The following GLDC variants were observed in gnomAD, a reference collection of about 807,000 sequenced individuals.
The protein encoded by GLDC is glycine decarboxylase, also known as glycine dehydrogenase (decarboxylating), mitochondrial.
Under a neutral mutation model 121.3 loss-of-function variants are expected in GLDC, and 104 were observed. That is an observed-to-expected ratio of 0.86 (90% CI 0.73 to 1.01). The LOEUF is 1.01. Ranked by LOEUF, GLDC falls within the 50% of genes least tolerant of loss-of-function variation. GLDC has a pLI of 0.00. For missense variants in GLDC, 1,429 were observed against 1,306.6 expected (o/e 1.09, Z -1.44); for synonymous variants, 546 against 480.6 (o/e 1.14, Z -1.78).
At chr9:6,642,892 C>G (rs1819656222) in intron 2 of GLDC, among the ~76,000 whole-genome samples, 2 of 147,628 alleles carry the variant, frequency 1.4e-5, no homozygotes, top group Admixed American at 1.4e-4. Context: ...CTGATTTTTT[C>G]TTTTCTTCCT....
At chr9:6,537,527 T>C (rs1309185853) in intron 22 of GLDC, among the ~76,000 whole-genome samples, 1 of 152,182 alleles carries the variant, frequency 6.6e-6, no homozygotes, top group African/African-American at 2.4e-5. Context: ...ACACCTATAA[T>C]CCCAGCACTT....
rs372693840 is a variant in GLDC, at chr9:6,554,740, C to A, written c.2244G>T (p.Ser748=). The A allele has an allele frequency of 1.2e-6, 2 of 1,613,426 alleles. No individual in the cohort carries two copies. The highest frequency in any genetic ancestry group is 2.2e-5 in the East Asian group (1 of 44,872). ...AGAAGGTCTTGTGAAGATTTAGGTG[C>A]GAGACATCAGACCCGAAGTCTCCAG... The part of the protein sequence containing the change: ...CRPGDFGSDV[S]HLNLHKTFCI... Residue 748 remains serine (S), a synonymous_variant, in exon 19 of 25, where the codon TCG becomes TCT. Coordinates refer to ENST00000321612, the MANE Select transcript of GLDC (RefSeq NM_000170.3).
At chr9:6,595,668 C>T (rs1268955780) in intron 8 of GLDC, among the ~76,000 whole-genome samples, 2 of 152,172 alleles carry the variant, frequency 1.3e-5, no homozygotes, top group Admixed American at 6.6e-5. Context: ...CTGGCAAAAA[C>T]GGCAATGCGC....
rs375289229 is a variant in GLDC, at chr9:6,610,196, A to G, written c.631T>C (p.Tyr211His). The change falls in exon 4 of 25, where the codon TAC becomes CAC. Residue 211 changes from tyrosine (Y) to histidine (H), a missense_variant. Coordinates refer to ENST00000321612, the MANE Select transcript of GLDC (RefSeq NM_000170.3). ...GCACTTTGAGAGGCCTCTCACCTGT[A>G]GCACAGCTGCAGTGCCTCTGCGGCT... ...TAAAEALQLC[Y>H]RHNKRRKFLV... is the part of the protein sequence containing the mutation. The G allele has an allele frequency of 3.7e-6, 6 of 1,610,128 alleles. No individual in the cohort carries two copies. The highest frequency in any genetic ancestry group is 5.1e-6 in the Non-Finnish European group (6 of 1,178,116).
intron 21 of GLDC, chr9:6,542,058 G>A (rs75230213): frequency 0.25 from 37,559 of 151,918 alleles, 5,107 homozygotes; most frequent in Admixed American, 0.3. Flanking sequence ...TGGCCAACGT[G>A]GTGAAACCCC....
intron 2 of GLDC, among the ~76,000 whole-genome samples, chr9:6,638,389 A>T (rs1819553909): frequency 6.6e-6 from 1 of 151,698 alleles, no homozygotes; most frequent in Non-Finnish European, 1.5e-5. Context: ...TAATTTCTGT[A>T]TTTTTAGTAG....
intron 8 of GLDC, among the ~76,000 whole-genome samples, chr9:6,599,884 G>T (rs751769131): frequency 6.6e-6 from 1 of 151,960 alleles, no homozygotes; most frequent in Non-Finnish European, 1.5e-5. Flanking sequence ...AATACAAAAG[G>T]ACCAACTGAG....
At chr9:6,614,836 G>C (rs1818936788) in intron 3 of GLDC, among the ~76,000 whole-genome samples, 1 of 152,118 alleles carries the variant, frequency 6.6e-6, no homozygotes, top group Non-Finnish European at 1.5e-5. Flanking sequence ...ACACACCTAG[G>C]CTACGTGATA....
chr9:6,610,335 G>T lies in GLDC; in HGVS notation c.492C>A (p.Tyr164Ter), dbSNP rs746124283. The change falls in exon 4 of 25, where the codon TAC becomes TAA. Residue 164 changes from tyrosine to a stop codon, truncating the protein, a stop_gained. Transcript: ENST00000321612. LOFTEE classifies it high-confidence loss of function. ...NSGWITQYTP[Y>*]QPEVSQGRLE... ...GCCTCCCCTGAGACACCTCAGGCTGGTATGGAGTATACTGGGTGATCCTGC... is the reference window on the plus strand; with the variant it reads ...GCCTCCCCTGAGACACCTCAGGCTGTTATGGAGTATACTGGGTGATCCTGC... The T allele has an allele frequency of 6.2e-7, 1 of 1,614,002 alleles. No homozygotes were observed. The highest frequency in any genetic ancestry group is 1.1e-5 in the South Asian group (1 of 91,060).
rs562389186 is a variant in GLDC at position 6,642,944 on chromosome 9, G to A, written c.334+1670C>T. Reference sequence around the variant, plus strand: ...GACAGGGTCTCACTCTGTTACTCAGGTGGAAGTGCAGTGGAGCCATCTTGG... The same window carrying A: ...GACAGGGTCTCACTCTGTTACTCAGATGGAAGTGCAGTGGAGCCATCTTGG... On this transcript the variant is annotated intron_variant, in intron 2 of 24. Coordinates refer to ENST00000321612, the MANE Select transcript of GLDC (RefSeq NM_000170.3). 3.8e-3 allele frequency among the ~76,000 whole-genome samples: 580 copies of A among 151,242 alleles called. 5 individuals are homozygous for A. The highest frequency in any genetic ancestry group is 7.0e-3 in the Non-Finnish European group (476 of 67,854).
chr9:6,577,623 T>C (rs1818092442), intron 15 of GLDC, among the ~76,000 whole-genome samples: 1 of 152,146 alleles, frequency 6.6e-6, no homozygotes. Context: ...AAAAGTAAAA[T>C]CACCTGATAT....
At chr9:6,630,504 T>A (rs1032483309) in intron 2 of GLDC, among the ~76,000 whole-genome samples, 1 of 152,056 alleles carries the variant, frequency 6.6e-6, no homozygotes, top group South Asian at 2.1e-4. Context: ...GGAAAAGGTC[T>A]CCAAGGAAAT....
At chr9:6,607,832 A>C (rs1240742218) in intron 4 of GLDC, among the ~76,000 whole-genome samples, 3 of 151,702 alleles carry the variant, frequency 2.0e-5, no homozygotes, top group African/African-American at 7.3e-5. Flanking sequence ...GTATTAAAAA[A>C]ATAAAATTGG....
intron 2 of GLDC, among the ~76,000 whole-genome samples, chr9:6,629,957 A>ATATTTTTTTTT: frequency 3.6e-5 from 3 of 83,060 alleles, no homozygotes; most frequent in East Asian, 4.0e-4. Context: ...ATATATATAT[A>ATATTTTTTTTT]TTTTTTTTTT....
chr9:6,543,962 T>C (rs972888388), intron 21 of GLDC, among the ~76,000 whole-genome samples: 12 of 151,984 alleles, frequency 7.9e-5, no homozygotes, highest in African/African-American at 2.7e-4. Context: ...CGCCCCCATA[T>C]GTTGATTGTC....
chr9:6,645,598 T>C lies in GLDC; in HGVS notation c.-99A>G. 2.3e-6 allele frequency: 2 copies of C among 871,692 alleles called. No homozygotes were observed. Among genetic ancestry groups the C allele is most frequent in the Non-Finnish European group, 3.0e-6 (2 of 664,410 alleles). The allele number at this position is 871,692 out of a possible 1,614,324, so 54.0% of individuals were successfully genotyped here. On this transcript the variant is annotated 5_prime_UTR_variant, in exon 1 of 25. Coordinates refer to ENST00000321612, the MANE Select transcript of GLDC (RefSeq NM_000170.3). The stretch of plus-strand genomic sequence containing the variant: ...CCCCGGGTGGCGGCTGCGCCCGGCC[T>C]GGAGCCCCTTTCGCTGGACAGTCGG...
chr9:6,532,837 A>G lies in GLDC; in HGVS notation c.*180T>C, dbSNP rs1293074736. On this transcript the variant is annotated 3_prime_UTR_variant, in exon 25 of 25. Transcript: ENST00000321612. ...AATACCAAAGCAAATCCGTCTTCCA[A>G]CCATCAGCTTCGACTCCCTCCAGCT... The G allele has an allele frequency of 3.1e-6, 2 of 641,836 alleles. No individual in the cohort carries two copies. The highest frequency in any genetic ancestry group is 2.8e-6 in the Non-Finnish European group (1 of 357,160). 39.8% of individuals were successfully genotyped at this position (641,836 alleles called of 1,614,324 possible).
At chr9:6,583,595 G>C (rs1488932518) in intron 15 of GLDC, among the ~76,000 whole-genome samples, 4 of 152,186 alleles carry the variant, frequency 2.6e-5, no homozygotes, top group Admixed American at 2.0e-4. Context: ...AAGATCACTT[G>C]AGCCTGGGAG....
At chr9:6,535,132 G>C (rs779570530) in intron 23 of GLDC, among the ~76,000 whole-genome samples, 1 of 152,036 alleles carries the variant, frequency 6.6e-6, no homozygotes, top group Non-Finnish European at 1.5e-5. Context: ...TTCTCATCAT[G>C]CTTTTATACT....
Sources: allele counts gnomAD v4.1 joint callset (sites outside exome capture counted in the v4.1 genomes callset), GRCh38; gene constraint gnomAD v4.1.1; transcripts MANE v1.5; gene names NCBI Gene and HGNC (gene_info 2026-07-23, HGNC 2026-07-21).